MILR1: variants seen among roughly 807,000 people sequenced by gnomAD.
MILR1 encodes the protein mast cell immunoglobulin like receptor 1.
Under a neutral mutation model 18.5 loss-of-function variants are expected in MILR1, and 31 were observed. The ratio of observed to expected loss-of-function variants is 1.68; its 90% CI spans 1.26 to 2.26. The LOEUF (loss-of-function observed/expected upper bound fraction) is 2.26. Ranked by LOEUF, MILR1 falls within the 30% of genes most tolerant of loss-of-function variation. The probability of loss-of-function intolerance (pLI) is 0.00; values close to 1 mark genes in which losing one functional copy is unlikely to be tolerated. For synonymous variants in MILR1, 85 were observed against 56.2 expected (o/e 1.51, Z -2.30); for missense variants, 257 against 157.4 (o/e 1.63, Z -3.38).
At chr17:64,487,342 A>C in the MILR1 span, 1 of 152,224 alleles carries the variant, frequency 6.6e-6, no homozygotes, top group African/African-American at 2.4e-5. Flanking sequence ...GGCTGGGAGC[A>C]GTGGCTCATG....
At chr17:64,459,253 C>T (rs915352667) in intron 4 of MILR1, among the ~76,000 whole-genome samples, 1 of 151,900 alleles carries the variant, frequency 6.6e-6, no homozygotes, top group Non-Finnish European at 1.5e-5. Flanking sequence ...GGTAACATGG[C>T]AAAACCCCTG....
At chr17:64,481,535 G>T in the MILR1 span, 1 of 404,012 alleles carries the variant, frequency 2.5e-6, no homozygotes, top group Non-Finnish European at 3.3e-6. Context: ...TAAAATTATA[G>T]ATCTAGAATA....
At chr17:64,471,989 T>G (rs1426891674), downstream of MILR1, among the ~76,000 whole-genome samples, 1 of 152,108 alleles carries the variant, frequency 6.6e-6, no homozygotes, top group African/African-American at 2.4e-5. Context: ...TACAACAAAA[T>G]TAATTCTGAT....
intron 4 of MILR1, among the ~76,000 whole-genome samples, chr17:64,459,127 G>A (rs2037366896): frequency 6.6e-6 from 1 of 152,142 alleles, no homozygotes; most frequent in Non-Finnish European, 1.5e-5. Context: ...CATTTGTCAA[G>A]GTAGGAGGAT....
chr17:64,492,650 G>C, the MILR1 span: 8 of 1,445,334 alleles, frequency 5.5e-6, no homozygotes, highest in African/African-American at 2.8e-5. Context: ...TTAAATTAAA[G>C]GTAATTATTG....
At chr17:64,453,859 G>T (rs2037231038) in intron 3 of MILR1, among the ~76,000 whole-genome samples, 2 of 152,132 alleles carry the variant, frequency 1.3e-5, no homozygotes, top group Non-Finnish European at 2.9e-5. Context: ...TAACTCTTGA[G>T]TGGTCCTCTA....
At chr17:64,492,732 G>A in the MILR1 span, 15 of 1,613,278 alleles carry the variant, frequency 9.3e-6, no homozygotes, top group South Asian at 6.6e-5. Flanking sequence ...GTTCTCGGAG[G>A]AGTAAACCAT....
chr17:64,483,483 T>C, the MILR1 span, among the ~76,000 whole-genome samples: 4 of 149,776 alleles, frequency 2.7e-5, no homozygotes, highest in Non-Finnish European at 5.9e-5. Flanking sequence ...CACTGCACTC[T>C]AGTCTGGGCG....
downstream of MILR1, among the ~76,000 whole-genome samples, chr17:64,473,100 A>C (rs1427742197): frequency 7.9e-5 from 12 of 152,162 alleles, no homozygotes; most frequent in Non-Finnish European, 1.8e-4. Flanking sequence ...CTGTAATCCC[A>C]GCACTTTGGG....
the MILR1 span, among the ~76,000 whole-genome samples, chr17:64,478,839 C>T: frequency 6.6e-6 from 1 of 151,954 alleles, no homozygotes; most frequent in Admixed American, 6.6e-5. Flanking sequence ...AGAGGTTGCA[C>T]TAAGCCGAGA....
chr17:64,480,154 T>C, the MILR1 span: 1 of 260,148 alleles, frequency 3.8e-6, no homozygotes, highest in East Asian at 8.5e-5. Flanking sequence ...CACATAGTTC[T>C]GTAAAAGGGA....
At chr17:64,471,116 C>T (rs2037681600), downstream of MILR1, among the ~76,000 whole-genome samples, 2 of 151,722 alleles carry the variant, frequency 1.3e-5, no homozygotes, top group Admixed American at 1.3e-4. Context: ...CTTGTTTTAT[C>T]CTGGACCAGA....
chr17:64,479,619 C>T, the MILR1 span, among the ~76,000 whole-genome samples: 902 of 152,110 alleles, frequency 5.9e-3, 7 homozygotes, highest in Non-Finnish European at 9.5e-3. Context: ...TTAAAAACAA[C>T]AATTAATGAA....
downstream of MILR1, among the ~76,000 whole-genome samples, chr17:64,469,597 C>T (rs1555664214): frequency 6.6e-6 from 1 of 152,182 alleles, no homozygotes; most frequent in Non-Finnish European, 1.5e-5. Flanking sequence ...CAGGGTTTTG[C>T]CATGTTGGCC....
At chr17:64,492,881 G>A in the MILR1 span, 2 of 1,613,728 alleles carry the variant, frequency 1.2e-6, no homozygotes, top group Non-Finnish European at 1.7e-6. Flanking sequence ...CAAGTTATTT[G>A]CCACTTTTTA....
chr17:64,483,913 T>A, the MILR1 span: 3 of 152,288 alleles, frequency 2.0e-5, no homozygotes, highest in African/African-American at 7.2e-5. Context: ...AGTTTTGCCA[T>A]GTTGCCCAGA....
the MILR1 span, chr17:64,485,397 T>G: frequency 6.5e-6 from 2 of 306,670 alleles, no homozygotes; most frequent in Non-Finnish European, 1.2e-5. Flanking sequence ...TCCGGGTCTT[T>G]CTTCCTCCTA....
the MILR1 span, among the ~76,000 whole-genome samples, chr17:64,476,600 GTTGA>G: frequency 8.6e-5 from 13 of 152,010 alleles, no homozygotes; most frequent in African/African-American, 3.1e-4. Context: ...CTGGCCAAAG[GTTGA>G]TTGTTGTTGG....
chr17:64,496,220 A>G, the MILR1 span, among the ~76,000 whole-genome samples: 1 of 152,196 alleles, frequency 6.6e-6, no homozygotes, highest in Non-Finnish European at 1.5e-5. Context: ...AGGAACAGCA[A>G]TGATTCCATG....
Sources: gnomAD v4.1 joint callset for allele counts (sites outside exome capture counted in the v4.1 genomes callset) on GRCh38, gnomAD v4.1.1 for gene constraint, MANE v1.5 for transcripts, NCBI Gene and HGNC (gene_info 2026-07-23, HGNC 2026-07-21) for gene names.